Variants in TBCD observed in about 807,000 individuals in gnomAD.
TBCD encodes tubulin folding cofactor D.
In TBCD, 105 loss-of-function variants were observed where a neutral mutation model predicts 169.3. The ratio of observed to expected loss-of-function variants is 0.62; its 90% CI spans 0.53 to 0.73. TBCD has a LOEUF of 0.73. TBCD is among the 30% of genes least tolerant of loss of function. The probability of loss-of-function intolerance (pLI) is 0.00; values close to 1 mark genes in which losing one functional copy is unlikely to be tolerated. For missense variants in TBCD, 1,444 were observed against 1,600.1 expected, an observed-to-expected ratio of 0.90 and a Z score of 1.66; for synonymous variants, 700 against 643.9, an observed-to-expected ratio of 1.09 and a Z score of -1.32.
chr17:82,795,946 C>G (rs1348081816), intron 7 of TBCD: 2 of 152,352 alleles, frequency 1.3e-5, no homozygotes, highest in African/African-American at 4.8e-5. Flanking sequence ...ACTGGCATCA[C>G]TCCTGCCTGC....
intron 16 of TBCD, chr17:82,893,146 C>T (rs981220236): frequency 1.3e-5 from 3 of 225,122 alleles, no homozygotes; most frequent in African/African-American, 2.3e-5. Flanking sequence ...TGGTGTGCAC[C>T]GACCTGCCAG....
intron 13 of TBCD, among the ~76,000 whole-genome samples, chr17:82,844,718 ATT>A (rs2054853660): frequency 6.7e-6 from 1 of 150,370 alleles, no homozygotes; most frequent in Non-Finnish European, 1.5e-5. Flanking sequence ...TTTTAGTGGG[ATT>A]TTACCCGCTA....
At position 82,884,103 on chromosome 17, in the gene TBCD, T is replaced by C. The variant is rs543029548; in HGVS notation, c.1476-42T>C. 4.7e-5 allele frequency: 74 copies of C among 1,560,494 alleles called. No homozygotes were observed. The South Asian group carries it at 7.0e-4, about 15-fold the overall frequency. On this transcript the variant is annotated intron_variant, in intron 14 of 38. Transcript: ENST00000355528. The surrounding 1 kb of genome is among the most constrained non-coding windows in gnomAD (Gnocchi z 4.2). ...TCGATACTGTGTGGTCTGTACTGTT[T>C]TGCAGAATTTCTTTTTAATTAATCC...
chr17:82,831,771 A>G lies in TBCD; in HGVS notation c.1318+16837A>G. ...GGTGCATGTAAGGGGAAATGGCCCC[A>G]AGCCCCTTTGTAGATGAGATTTTAT... On this transcript the variant is annotated intron_variant, in intron 13 of 38. Transcript: ENST00000355528. This position sits in a 1 kb window ranked among gnomAD's most constrained non-coding sequence, Gnocchi z 4.6. 3.1e-6 allele frequency: 5 copies of G among 1,614,186 alleles called. No homozygotes were observed. Among genetic ancestry groups the G allele is most frequent in the Middle Eastern group, 1.6e-4 (1 of 6,062 alleles).
chr17:82,830,368 A>G lies in TBCD; in HGVS notation c.1318+15434A>G, dbSNP rs760148485. ...CGCAGCATCCCCATCGCCCACCCGG[A>G]TGTTCCTGGGGCTGTAGGCCGCCAG... On this transcript the variant is annotated intron_variant, in intron 13 of 38. Transcript: ENST00000355528. 3.7e-5 allele frequency: 59 copies of G among 1,612,994 alleles called. No homozygotes were observed. Among genetic ancestry groups the G allele is most frequent in the Non-Finnish European group, 4.8e-5 (57 of 1,180,026 alleles).
At chr17:82,812,345 A>C (rs1233735912) in intron 12 of TBCD, among the ~76,000 whole-genome samples, 1 of 152,118 alleles carries the variant, frequency 6.6e-6, no homozygotes, top group East Asian at 1.9e-4. Flanking sequence ...TGTCAGCAGG[A>C]GCCTCACCAC....
In TBCD at chr17:82,805,996, G is replaced by T. The variant is rs1199342892; in HGVS notation, c.1072G>T (p.Val358Leu). 8 of 1,613,760 alleles carry T rather than the reference G, an allele frequency of 5.0e-6. No individual in the cohort carries two copies. The highest frequency in any genetic ancestry group is 1.7e-5 in the Admixed American group (1 of 60,020). Residue 358 changes from valine (V) to leucine (L), a missense_variant, in exon 10 of 39, where the codon GTG becomes TTG. Val to Leu is a conservative substitution (Grantham distance 32). Transcript: ENST00000355528. ...CGAAGATGACGACGTCCCAGAGGGG[G>T]TGGAGCGTGTGATAGGTGCGTGGGG... The part of the protein sequence containing the change: ...DDEDDDVPEG[V>L]ERVIEQLLVG...
At chr17:82,827,967 A>G (rs552677235) in intron 13 of TBCD, among the ~76,000 whole-genome samples, 74 of 150,274 alleles carry the variant, frequency 4.9e-4, no homozygotes, top group Non-Finnish European at 9.9e-4. Context: ...ATACACTCAC[A>G]GATACGCACA....
chr17:82,821,124 G>T (rs1356662691), intron 13 of TBCD, among the ~76,000 whole-genome samples: 1 of 150,918 alleles, frequency 6.6e-6, no homozygotes, highest in East Asian at 1.9e-4. Flanking sequence ...AAAAAAAATT[G>T]TAGAAACAGG....
chr17:82,879,307 G>A (rs1385587826), intron 14 of TBCD, among the ~76,000 whole-genome samples: 1 of 151,902 alleles, frequency 6.6e-6, no homozygotes, highest in Non-Finnish European at 1.5e-5. Context: ...TGTTTGCACA[G>A]ACACCAGCTC....
Position 82,874,659 on chromosome 17 carries a change from A to G in TBCD, c.1475+4279A>G, listed in dbSNP as rs1373230177. On this transcript the variant is annotated intron_variant, in intron 14 of 38. Transcript: ENST00000355528. This position sits in a 1 kb window ranked among gnomAD's most constrained non-coding sequence, Gnocchi z 5.0. The stretch of plus-strand genomic sequence containing the variant: ...CCTGGGCCCCATCCCTCCTTGGCCC[A>G]CGCAGACTCCAGGCATCCGGCCGGG... Among the ~76,000 whole-genome samples the G allele has an allele frequency of 1.3e-5, 2 of 152,116 alleles. No individual in the cohort carries two copies. Among genetic ancestry groups the G allele is most frequent in the Non-Finnish European group, 2.9e-5 (2 of 68,010 alleles).
chr17:82,870,656 T>C (rs2057492607), intron 14 of TBCD, among the ~76,000 whole-genome samples: 1 of 151,818 alleles, frequency 6.6e-6, no homozygotes, highest in East Asian at 1.9e-4. Context: ...AGCAGAAGTG[T>C]GTGGAGGAAC....
intron 21 of TBCD, 85 bp downstream of exon 21, chr17:82,907,906 C>A: frequency 7.0e-7 from 1 of 1,434,390 alleles, no homozygotes; most frequent in Non-Finnish European, 9.6e-7. Flanking sequence ...CAGGCAGGGT[C>A]TGCAGTCCTG....
chr17:82,887,131 C>CTG (rs771003321), intron 15 of TBCD, among the ~76,000 whole-genome samples: 16,977 of 123,106 alleles, frequency 0.14, 1,184 homozygotes, highest in East Asian at 0.19. Context: ...TACCTGTACT[C>CTG]TGTGTGTGTG....
intron 14 of TBCD, among the ~76,000 whole-genome samples, chr17:82,881,603 G>C (rs1019303720): frequency 6.6e-6 from 1 of 152,198 alleles, no homozygotes; most frequent in Non-Finnish European, 1.5e-5. Context: ...CCGTGCCTAC[G>C]TGCCCTCCTG....
At position 82,831,202 on chromosome 17, in the gene TBCD, G is replaced by A; in HGVS notation, c.1318+16268G>A. 6.2e-7 allele frequency: 1 copy of A among 1,614,156 alleles called. No individual in the cohort carries two copies. The highest frequency in any genetic ancestry group is 1.1e-5 in the South Asian group (1 of 91,084). On this transcript the variant is annotated intron_variant, in intron 13 of 38. Coordinates refer to ENST00000355528, the MANE Select transcript of TBCD (RefSeq NM_005993.5). The surrounding 1 kb of genome is among the most constrained non-coding windows in gnomAD (Gnocchi z 4.6). ...GGTCTGGCTCGTCTGCATGAAGTCG[G>A]TGGGGCTCGGCCTCCCTGGGGAGCC...
intron 14 of TBCD, among the ~76,000 whole-genome samples, chr17:82,879,667 A>C (rs1245506438): frequency 6.6e-6 from 1 of 152,102 alleles, no homozygotes. Flanking sequence ...TTCAATCTGC[A>C]TGTGGTTGTG....
At chr17:82,818,779 A>G (rs2052150941) in intron 13 of TBCD, among the ~76,000 whole-genome samples, 1 of 152,222 alleles carries the variant, frequency 6.6e-6, no homozygotes, top group Non-Finnish European at 1.5e-5. Flanking sequence ...TTGAAAAGTG[A>G]AAACAGGCTG....
intron 13 of TBCD, among the ~76,000 whole-genome samples, chr17:82,820,499 T>C (rs928791833): frequency 3.9e-5 from 6 of 152,172 alleles, no homozygotes; most frequent in Non-Finnish European, 8.8e-5. Flanking sequence ...GATGTGTAGA[T>C]TCATGTCTTT....
Sources: allele counts gnomAD v4.1 joint callset (sites outside exome capture counted in the v4.1 genomes callset), GRCh38; gene constraint gnomAD v4.1.1; non-coding constraint Gnocchi (gnomAD v3.1); transcripts MANE v1.5; gene names NCBI Gene and HGNC (gene_info 2026-07-23, HGNC 2026-07-21).